SUPT3H: variants seen among roughly 807,000 people sequenced by gnomAD.
SUPT3H encodes the protein transcription initiation protein SPT3 homolog.
In SUPT3H, 44 loss-of-function variants were observed where a neutral mutation model predicts 44.3. The ratio of observed to expected loss-of-function variants is 0.99; its 90% confidence interval spans 0.78 to 1.28. The LOEUF (loss-of-function observed/expected upper bound fraction) is 1.28, where lower values mean the gene tolerates loss of function less well. Ranked by LOEUF, SUPT3H falls within the 50% of genes most tolerant of loss-of-function variation. The pLI is 0.00. For missense variants in SUPT3H, 380 were observed against 387.1 expected (o/e 0.98, Z 0.15); for synonymous variants, 124 against 125.6 (o/e 0.99, Z 0.09).
intron 2 of SUPT3H, among the ~76,000 whole-genome samples, chr6:45,174,577 G>C (rs1811375006): frequency 6.6e-6 from 1 of 152,146 alleles, no homozygotes; most frequent in South Asian, 2.1e-4. Flanking sequence ...GGTGCACAAT[G>C]CTAACTGCTT....
intron 3 of SUPT3H, among the ~76,000 whole-genome samples, chr6:45,090,791 T>C (rs1239034303): frequency 1.3e-5 from 2 of 151,866 alleles, no homozygotes; most frequent in African/African-American, 2.4e-5. Flanking sequence ...AAAAGTTAAC[T>C]AGTGAAAAAA....
At chr6:44,972,271 G>C (rs188333720) in intron 6 of SUPT3H, among the ~76,000 whole-genome samples, 1 of 152,240 alleles carries the variant, frequency 6.6e-6, no homozygotes, top group East Asian at 1.9e-4. Context: ...CCAAAATGAA[G>C]GGGTTACAGG....
chr6:44,960,419 C>CAAA (rs752377751), intron 7 of SUPT3H, among the ~76,000 whole-genome samples: 8 of 91,202 alleles, frequency 8.8e-5, no homozygotes, highest in Admixed American at 1.2e-4. Flanking sequence ...GATTCCATCT[C>CAAA]AAAAAAAAAA....
chr6:44,926,059 A>G (rs115043634), intron 10 of SUPT3H, among the ~76,000 whole-genome samples: 2,706 of 152,274 alleles, frequency 0.018, 53 homozygotes, highest in South Asian at 0.092. Context: ...ACAGAATAGA[A>G]AACAGAAAGA....
At chr6:45,252,054 A>G (rs1481689807) in intron 2 of SUPT3H, among the ~76,000 whole-genome samples, 3 of 152,206 alleles carry the variant, frequency 2.0e-5, no homozygotes, top group Non-Finnish European at 4.4e-5. Flanking sequence ...AGATGAAGAT[A>G]TGGTCAACTT....
intron 2 of SUPT3H, among the ~76,000 whole-genome samples, chr6:45,130,321 C>G (rs865914882): frequency 1.3e-5 from 2 of 151,996 alleles, no homozygotes; most frequent in Non-Finnish European, 2.9e-5. Context: ...AATGTTTTTA[C>G]GGGTCATCCA....
intron 2 of SUPT3H, among the ~76,000 whole-genome samples, chr6:45,149,240 A>G (rs1806546407): frequency 6.6e-6 from 1 of 152,178 alleles, no homozygotes; most frequent in Non-Finnish European, 1.5e-5. Context: ...ATGAACTGTC[A>G]CTGTCAATTT....
chr6:45,128,132 A>G (rs1294910896), intron 2 of SUPT3H, among the ~76,000 whole-genome samples: 3 of 152,218 alleles, frequency 2.0e-5, no homozygotes, highest in East Asian at 1.9e-4. Flanking sequence ...TGGGCTTTGC[A>G]ATGTACAAGA....
chr6:44,989,599 G>C (rs1780318455), intron 6 of SUPT3H, among the ~76,000 whole-genome samples: 1 of 152,082 alleles, frequency 6.6e-6, no homozygotes, highest in African/African-American at 2.4e-5. Context: ...CGTAATGACT[G>C]TACCAAACTT....
At chr6:44,937,807 T>A (rs1385583230) in intron 9 of SUPT3H, among the ~76,000 whole-genome samples, 1 of 152,042 alleles carries the variant, frequency 6.6e-6, no homozygotes, top group Non-Finnish European at 1.5e-5. Flanking sequence ...TGTTTAGCTG[T>A]TTGAGTTCCT....
At chr6:45,360,220 T>C (rs1794012386) in intron 2 of SUPT3H, among the ~76,000 whole-genome samples, 1 of 152,212 alleles carries the variant, frequency 6.6e-6, no homozygotes, top group Non-Finnish European at 1.5e-5. Flanking sequence ...TCAACCTTTG[T>C]GGCTCTATTC....
intron 3 of SUPT3H, among the ~76,000 whole-genome samples, chr6:45,093,299 G>A (rs1358975776): frequency 2.0e-5 from 3 of 152,098 alleles, no homozygotes; most frequent in African/African-American, 7.2e-5. Flanking sequence ...ATACAGAAAT[G>A]TTTTTATTTA....
intron 2 of SUPT3H, among the ~76,000 whole-genome samples, chr6:45,137,042 G>T (rs1184867770): frequency 6.6e-6 from 1 of 152,018 alleles, no homozygotes; most frequent in Non-Finnish European, 1.5e-5. Flanking sequence ...AATTACAACT[G>T]GATTAACAGC....
chr6:44,842,910 A>G (rs1033762615), intron 10 of SUPT3H, among the ~76,000 whole-genome samples: 3 of 152,168 alleles, frequency 2.0e-5, no homozygotes, highest in Non-Finnish European at 4.4e-5. Context: ...GCTCAATGAA[A>G]AAGACCCACG....
intron 6 of SUPT3H, among the ~76,000 whole-genome samples, chr6:44,972,812 A>T (rs942920979): frequency 6.6e-6 from 1 of 152,108 alleles, no homozygotes; most frequent in African/African-American, 2.4e-5. Context: ...CACCCTCTGA[A>T]GCCACAACTC....
At chr6:45,018,502 T>C (rs1353337123) in intron 4 of SUPT3H, among the ~76,000 whole-genome samples, 2 of 152,140 alleles carry the variant, frequency 1.3e-5, no homozygotes, top group African/African-American at 4.8e-5. Context: ...ATAGCTCTTA[T>C]TATTTTGAGA....
chr6:45,236,416 T>A (rs76755120), intron 2 of SUPT3H, among the ~76,000 whole-genome samples: 1 of 152,132 alleles, frequency 6.6e-6, no homozygotes. Flanking sequence ...GTTAGTTCCA[T>A]CTTGGAACCT....
intron 2 of SUPT3H, among the ~76,000 whole-genome samples, chr6:45,241,735 T>C (rs554103095): frequency 6.6e-6 from 1 of 152,116 alleles, no homozygotes; most frequent in Non-Finnish European, 1.5e-5. Flanking sequence ...AAGAGGTTTG[T>C]GGCCAAGAAA....
At chr6:44,936,398 T>C (rs571645419) in intron 9 of SUPT3H, among the ~76,000 whole-genome samples, 1 of 152,346 alleles carries the variant, frequency 6.6e-6, no homozygotes, top group African/African-American at 2.4e-5. Flanking sequence ...GTTACATGCA[T>C]AGATTAGAGT....
Sources: allele counts gnomAD v4.1 joint callset (sites outside exome capture counted in the v4.1 genomes callset), GRCh38; gene constraint gnomAD v4.1.1; transcripts MANE v1.5; gene names NCBI Gene and HGNC (gene_info 2026-07-23, HGNC 2026-07-21).